Variants in ACP7 observed in about 807,000 individuals in gnomAD.
ACP7 encodes the protein acid phosphatase type 7.
Under a neutral mutation model 60.6 loss-of-function variants are expected in ACP7, and 58 were observed. The observed-to-expected ratio is 0.96, with a 90% CI of 0.77 to 1.19. The LOEUF (loss-of-function observed/expected upper bound fraction) is 1.19, where lower values mean the gene tolerates loss of function less well. Ranked by LOEUF, ACP7 falls within the 50% of genes most tolerant of loss-of-function variation. The pLI, the probability that ACP7 is intolerant of heterozygous loss-of-function variation, is 0.00. For synonymous variants in ACP7, 237 were observed against 232.6 expected (o/e 1.02, Z -0.17); for missense variants, 574 against 596.2 (o/e 0.96, Z 0.39).
At chr19:39,098,381 C>T in intron 2 of ACP7, 77 bp from the exon 3 acceptor site, 1 of 1,169,558 alleles carries the variant, frequency 8.6e-7, no homozygotes, top group Non-Finnish European at 1.2e-6. Context: ...TGGTCAACGC[C>T]CCTCACTTTT....
intron 3 of ACP7, 73 bp from the exon 4 acceptor site, chr19:39,098,887 C>T: frequency 1.0e-6 from 1 of 1,000,648 alleles, no homozygotes. Flanking sequence ...CTCCACCAGT[C>T]GGGGAAGGAT....
intron 4 of ACP7, 65 bp from the exon 5 acceptor site, chr19:39,100,162 C>T: frequency 6.3e-7 from 1 of 1,591,756 alleles, no homozygotes; most frequent in South Asian, 1.1e-5. Flanking sequence ...ATACCTGGCT[C>T]TCTCAATTCC....
intron 12 of ACP7, among the ~76,000 whole-genome samples, 197 bp downstream of exon 12, chr19:39,107,281 CTACAAAAAA>C (rs549411184): frequency 1.6e-4 from 24 of 151,904 alleles, no homozygotes; most frequent in African/African-American, 5.5e-4. Context: ...GACCTAGTCT[CTACAAAAAA>C]TACAAAAAAT....
At chr19:39,086,100 G>A (rs1911268757) in intron 2 of ACP7, among the ~76,000 whole-genome samples, 1 of 152,152 alleles carries the variant, frequency 6.6e-6, no homozygotes, top group African/African-American at 2.4e-5. Context: ...GAGGCGGAAG[G>A]ATCACTTGAG....
intron 2 of ACP7, among the ~76,000 whole-genome samples, chr19:39,093,175 C>CTTCCTTCCTTCCTTCCTTCCTTCCTTCT (rs2073227414): frequency 2.4e-5 from 1 of 42,260 alleles, no homozygotes; most frequent in Non-Finnish European, 4.6e-5. Context: ...TCTTTCTCTC[C>CTTCCTTCCTTCCTTCCTTCCTTCCTTCT]TTCCTTCCTT....
chr19:39,085,685 G>A (rs1157516327), intron 2 of ACP7, among the ~76,000 whole-genome samples: 2 of 152,160 alleles, frequency 1.3e-5, no homozygotes, highest in African/African-American at 2.4e-5. Flanking sequence ...ACGTTTGTTC[G>A]TTCATGCACG....
chr19:39,093,135 C>T (rs2073223897), intron 2 of ACP7, among the ~76,000 whole-genome samples: 1 of 59,936 alleles, frequency 1.7e-5, no homozygotes, highest in Admixed American at 1.3e-4. Context: ...TTTCCTTCTT[C>T]CCTCACTCCT....
rs867377740 is a variant in ACP7, at chr19:39,100,360, G to A, written c.629+10G>A. On this transcript the variant is annotated intron_variant, in intron 5 of 12. Coordinates refer to ENST00000331256, the MANE Select transcript of ACP7 (RefSeq NM_001004318.3). ...ATCATGAAGAACGCTAGTGAGGACT[G>A]AGGGTGGTGGCGGTGGGCGAGGGCT... 1 of 1,613,804 alleles carries A rather than the reference G, an allele frequency of 6.2e-7. No individual in the cohort carries two copies. Among genetic ancestry groups the A allele is most frequent in the Admixed American group, 1.7e-5 (1 of 59,992 alleles).
At position 39,102,715 on chromosome 19, in the gene ACP7, T is replaced by TTTCTTTCTTTCTTTCTTTCTTTCTTTC. The variant is rs1555769414; in HGVS notation, c.1113+1180_1113+1181insCTTTCTTTCTTTCTTTCTTTCTTTCTT. Reference sequence around the variant, plus strand: ...ATTACTAAGCTGTTCCAATGAAGACTTTTCTTTCTTTCTTTCTTTCTTTCT... The same window carrying TTTCTTTCTTTCTTTCTTTCTTTCTTTC: ...ATTACTAAGCTGTTCCAATGAAGACTTTCTTTCTTTCTTTCTTTCTTTCTTTCTTTCTTTCTTTCTTTCTTTCTTTCT... On this transcript the variant is annotated intron_variant, in intron 11 of 12. Coordinates refer to ENST00000331256, the MANE Select transcript of ACP7 (RefSeq NM_001004318.3). Among the ~76,000 whole-genome samples, 207 of 118,676 alleles carry TTTCTTTCTTTCTTTCTTTCTTTCTTTC rather than the reference T, an allele frequency of 1.7e-3. 7 individuals are homozygous for TTTCTTTCTTTCTTTCTTTCTTTCTTTC. The highest frequency in any genetic ancestry group is 3.3e-3 in the East Asian group (13 of 3,970). The allele number at this position is 118,676 out of a possible 152,430, so 77.9% of individuals were successfully genotyped here.
intron 11 of ACP7, among the ~76,000 whole-genome samples, chr19:39,102,085 A>C (rs2073352628): frequency 6.7e-6 from 1 of 149,612 alleles, no homozygotes; most frequent in South Asian, 2.1e-4. Flanking sequence ...TCACCATTGC[A>C]CTCCAGCCTG....
chr19:39,110,323 G>A lies in ACP7; in HGVS notation c.*205G>A. The A allele has an allele frequency of 1.7e-6, 1 of 592,498 alleles. No homozygotes were observed. Among genetic ancestry groups the A allele is most frequent in the Non-Finnish European group, 3.0e-6 (1 of 334,850 alleles). The allele number at this position is 592,498 out of a possible 1,614,324, so 36.7% of individuals were successfully genotyped here. A position where few individuals can be genotyped will look rare whatever the true frequency, so the allele number is the denominator to read the frequency against. ...GGAGTCCTGGCTGGCTGTGGAGGGA[G>A]GGCAGGTGTGCGGGCACAGAGTGAC... is the stretch of plus-strand genomic sequence containing the variant. On this transcript the variant is annotated 3_prime_UTR_variant, in exon 13 of 13. Coordinates refer to ENST00000331256, the MANE Select transcript of ACP7 (RefSeq NM_001004318.3).
intron 11 of ACP7, among the ~76,000 whole-genome samples, chr19:39,102,120 T>TCTCTCACA (rs1555769290): frequency 6.9e-6 from 1 of 145,760 alleles, no homozygotes; most frequent in Non-Finnish European, 1.5e-5. Flanking sequence ...ACCCTTTCTC[T>TCTCTCACA]CACACACACA....
At position 39,110,229 on chromosome 19, in the gene ACP7, T is replaced by C; in HGVS notation, c.*111T>C. ...TGGGTGGGCCCTGACTCCCCTGCCC[T>C]CCAGAGGCCCCATGTAGGGTACATG... On this transcript the variant is annotated 3_prime_UTR_variant, in exon 13 of 13. Coordinates refer to ENST00000331256, the MANE Select transcript of ACP7 (RefSeq NM_001004318.3). 1 of 1,000,534 alleles carries C rather than the reference T, an allele frequency of 1.0e-6. No homozygotes were observed. Among genetic ancestry groups the C allele is most frequent in the Non-Finnish European group, 1.5e-6 (1 of 650,456 alleles). 62.0% of individuals were successfully genotyped at this position (1,000,534 alleles called of 1,614,324 possible). A position where few individuals can be genotyped will look rare whatever the true frequency, so the allele number is the denominator to read the frequency against.
At chr19:39,103,072 G>A (rs7259352) in intron 11 of ACP7, among the ~76,000 whole-genome samples, 79,185 of 151,252 alleles carry the variant, frequency 0.52, 21,700 homozygotes, top group East Asian at 0.64. Flanking sequence ...TCCGGACCTC[G>A]GGTGATCAGC....
intron 11 of ACP7, 48 bp downstream of exon 11, chr19:39,101,585 A>C: frequency 6.4e-7 from 1 of 1,565,604 alleles, no homozygotes; most frequent in South Asian, 1.1e-5. Flanking sequence ...ATTCCTATCT[A>C]TGGAGGGCTA....
chr19:39,088,892 C>G (rs1417573378), intron 2 of ACP7, among the ~76,000 whole-genome samples: 1 of 151,596 alleles, frequency 6.6e-6, no homozygotes, highest in Admixed American at 6.6e-5. Context: ...ACTACCAGCG[C>G]GCATCACCAT....
upstream of ACP7, chr19:39,084,288 C>G (rs2073114869): frequency 6.6e-6 from 1 of 152,422 alleles, no homozygotes. Context: ...ACCGGCTCTT[C>G]CGGGGCTGGG....
In ACP7 at chr19:39,110,829, T is replaced by C. The variant is rs2145053420; in HGVS notation, c.*711T>C. 1 of 152,348 alleles carries C rather than the reference T, an allele frequency of 6.6e-6. No individual in the cohort carries two copies. Among genetic ancestry groups the C allele is most frequent in the East Asian group, 1.9e-4 (1 of 5,178 alleles). The allele number at this position is 152,348 out of a possible 1,614,324, so 9.4% of individuals were successfully genotyped here. On this transcript the variant is annotated 3_prime_UTR_variant, in exon 13 of 13. Coordinates refer to ENST00000331256, the MANE Select transcript of ACP7 (RefSeq NM_001004318.3). ...CTTTTATTTATTGAATCATAATTTA[T>C]TGAGCATCTACCATGTGCCAGGCTC...
rs113484028 is a variant in ACP7, at chr19:39,087,084, C to G, written c.121+1694C>G. On this transcript the variant is annotated intron_variant, in intron 2 of 12. Coordinates refer to ENST00000331256, the MANE Select transcript of ACP7 (RefSeq NM_001004318.3). ...AGTGCAGTGGCACAGTCTTGGCTCA[C>G]TGCAGCCTCTGCCCCGCAGGGTTCA... Among the ~76,000 whole-genome samples, 493 of 152,236 alleles carry G rather than the reference C, an allele frequency of 3.2e-3. 4 individuals are homozygous for G. The highest frequency in any genetic ancestry group is 0.011 in the African/African-American group (460 of 41,554).
Sources: gnomAD v4.1 joint callset for allele counts (sites outside exome capture counted in the v4.1 genomes callset) on GRCh38, gnomAD v4.1.1 for gene constraint, MANE v1.5 for transcripts, NCBI Gene and HGNC (gene_info 2026-07-23, HGNC 2026-07-21) for gene names.